Variants in UNC13C observed in about 807,000 individuals in gnomAD.
UNC13C encodes the protein protein unc-13 homolog C.
Under a neutral mutation model 245.4 loss-of-function variants are expected in UNC13C, and 174 were observed. The ratio of observed to expected loss-of-function variants is 0.71; its 90% CI spans 0.63 to 0.80. The LOEUF (loss-of-function observed/expected upper bound fraction) is 0.80. Among genes scored for constraint, UNC13C ranks in the 30% least tolerant of loss-of-function variants. The pLI, the probability that UNC13C is intolerant of heterozygous loss-of-function variation, is 0.00. For missense variants in UNC13C, 2,829 were observed against 2,602.9 expected (o/e 1.09, Z -1.89); for synonymous variants, 992 against 895.1 (o/e 1.11, Z -1.93).
At chr15:54,269,300 T>A (rs1312239453) in intron 10 of UNC13C, among the ~76,000 whole-genome samples, 1 of 152,032 alleles carries the variant, frequency 6.6e-6, no homozygotes, top group African/African-American at 2.4e-5. Context: ...GCTCACTGCT[T>A]GATTTTTTTA....
At chr15:54,466,711 C>T (rs939478879) in intron 19 of UNC13C, among the ~76,000 whole-genome samples, 1 of 151,838 alleles carries the variant, frequency 6.6e-6, no homozygotes, top group Non-Finnish European at 1.5e-5. Context: ...TATCAGTGTT[C>T]CATGGACATT....
the UNC13C span, among the ~76,000 whole-genome samples, chr15:53,859,300 G>T: frequency 1.3e-5 from 2 of 151,778 alleles, no homozygotes; most frequent in Admixed American, 1.3e-4. Flanking sequence ...TTTTTTCTTT[G>T]GTCCAAATAT....
At chr15:54,166,960 C>A (rs1336343644) in intron 4 of UNC13C, among the ~76,000 whole-genome samples, 1 of 152,078 alleles carries the variant, frequency 6.6e-6, no homozygotes, top group Admixed American at 6.6e-5. Flanking sequence ...CATTATTTTT[C>A]ACAAGAATTG....
At chr15:54,110,630 T>C (rs1211640724) in intron 2 of UNC13C, among the ~76,000 whole-genome samples, 1 of 152,246 alleles carries the variant, frequency 6.6e-6, no homozygotes, top group Non-Finnish European at 1.5e-5. Flanking sequence ...ATTATAGCTC[T>C]AGCTATATGA....
At chr15:54,269,974 T>C (rs1291201479) in intron 10 of UNC13C, among the ~76,000 whole-genome samples, 1 of 152,256 alleles carries the variant, frequency 6.6e-6, no homozygotes, top group Non-Finnish European at 1.5e-5. Context: ...TTATTAACTT[T>C]AAGTGAAGCT....
At position 54,101,980 on chromosome 15, in the gene UNC13C, G is replaced by T. The variant is rs149045941; in HGVS notation, c.2984-41038G>T. On this transcript the variant is annotated intron_variant, in intron 2 of 32. Transcript: ENST00000260323. ...ATCAGTTCAGATTATTAAACTGCTTGCCTTTGTTCAGTGCTCTTTGCATTA... is the reference window on the plus strand; with the variant it reads ...ATCAGTTCAGATTATTAAACTGCTTTCCTTTGTTCAGTGCTCTTTGCATTA... Among the ~76,000 whole-genome samples, 23 of 150,986 alleles carry T rather than the reference G, an allele frequency of 1.5e-4. No individual in the cohort carries two copies. The East Asian group carries it at 4.3e-3, about 28-fold the overall frequency.
chr15:54,593,880 T>C (rs1898930603), intron 30 of UNC13C, among the ~76,000 whole-genome samples: 1 of 152,096 alleles, frequency 6.6e-6, no homozygotes, highest in Non-Finnish European at 1.5e-5. Context: ...AACTAGGTGA[T>C]TTTGGGGGCA....
At chr15:54,490,522 T>A (rs4776234) in intron 19 of UNC13C, among the ~76,000 whole-genome samples, 2 of 151,888 alleles carry the variant, frequency 1.3e-5, no homozygotes, top group Non-Finnish European at 2.9e-5. Flanking sequence ...ACAACTCGAA[T>A]TGAAGAACAA....
At chr15:54,032,765 C>T (rs928269527) in intron 2 of UNC13C, among the ~76,000 whole-genome samples, 1 of 152,064 alleles carries the variant, frequency 6.6e-6, no homozygotes, top group African/African-American at 2.4e-5. Context: ...ATGTGGTCCC[C>T]CATAGAAGTA....
Position 54,143,704 on chromosome 15 carries a change from T to C in UNC13C, c.3071+20T>C, listed in dbSNP as rs1327049808. 5 of 1,597,774 alleles carry C rather than the reference T, an allele frequency of 3.1e-6. No homozygotes were observed. The highest frequency in any genetic ancestry group is 3.4e-6 in the Non-Finnish European group (4 of 1,166,296). On this transcript the variant is annotated intron_variant, in intron 4 of 32. Transcript: ENST00000260323. ...TGGTGGGTAAGTACCTTCATACCTTTCTAATTTATTCCATTCATAGATGGC... is the reference window on the plus strand; with the variant it reads ...TGGTGGGTAAGTACCTTCATACCTTCCTAATTTATTCCATTCATAGATGGC...
chr15:53,929,137 G>A, the UNC13C span, among the ~76,000 whole-genome samples: 2 of 152,170 alleles, frequency 1.3e-5, no homozygotes, highest in Non-Finnish European at 2.9e-5. Context: ...AAAGGAAAGC[G>A]AAGGCACATC....
At chr15:53,846,589 C>T in the UNC13C span, among the ~76,000 whole-genome samples, 1 of 152,062 alleles carries the variant, frequency 6.6e-6, no homozygotes, top group Admixed American at 6.6e-5. Context: ...TTTTTGTAGG[C>T]TACTCATACA....
At chr15:54,228,276 G>T (rs750737338) in intron 4 of UNC13C, among the ~76,000 whole-genome samples, 5 of 152,088 alleles carry the variant, frequency 3.3e-5, no homozygotes, top group Non-Finnish European at 7.4e-5. Flanking sequence ...GCCCAGGGAA[G>T]GTCCAGAAAT....
chr15:54,438,698 G>A (rs1315072382), intron 19 of UNC13C, among the ~76,000 whole-genome samples: 7 of 151,810 alleles, frequency 4.6e-5, no homozygotes, highest in Non-Finnish European at 1.0e-4. Context: ...AGTACCTCTA[G>A]AGAGCTGGTG....
At chr15:54,430,393 A>T (rs2040847834) in intron 19 of UNC13C, among the ~76,000 whole-genome samples, 1 of 151,552 alleles carries the variant, frequency 6.6e-6, no homozygotes, top group African/African-American at 2.4e-5. Context: ...ATCCAAAATT[A>T]TTTTACTACT....
chr15:54,167,515 AAAAAG>A (rs2033214380), intron 4 of UNC13C, among the ~76,000 whole-genome samples: 1 of 147,168 alleles, frequency 6.8e-6, no homozygotes, highest in Admixed American at 6.8e-5. Flanking sequence ...AAAAAAAAAA[AAAAAG>A]AAAAGAAAAA....
At chr15:53,917,795 T>C in the UNC13C span, among the ~76,000 whole-genome samples, 2,763 of 152,314 alleles carry the variant, frequency 0.018, 110 homozygotes, top group East Asian at 0.14. Flanking sequence ...GATTTGAGAC[T>C]ATGTAAAATT....
At chr15:54,286,267 T>C (rs8031083) in intron 10 of UNC13C, among the ~76,000 whole-genome samples, 56,252 of 152,116 alleles carry the variant, frequency 0.37, 10,932 homozygotes, top group Middle Eastern at 0.43. Context: ...AATTAAAATA[T>C]GTAGCTAGAA....
At chr15:53,893,314 G>T in the UNC13C span, among the ~76,000 whole-genome samples, 1 of 152,216 alleles carries the variant, frequency 6.6e-6, no homozygotes, top group Non-Finnish European at 1.5e-5. Flanking sequence ...TTATCTCCCA[G>T]TCAGGATACA....
Sources: gnomAD v4.1 joint callset for allele counts (sites outside exome capture counted in the v4.1 genomes callset) on GRCh38, gnomAD v4.1.1 for gene constraint, MANE v1.5 for transcripts, NCBI Gene and HGNC (gene_info 2026-07-23, HGNC 2026-07-21) for gene names.